The following SLC25A26 variants were observed in gnomAD, a reference collection of about 807,000 sequenced individuals.
SLC25A26 encodes the protein mitochondrial S-adenosylmethionine carrier protein.
SLC25A26 carries 36 observed loss-of-function variants against 37.8 expected under a neutral mutation model. The ratio of observed to expected loss-of-function variants is 0.95; its 90% CI spans 0.73 to 1.26. The LOEUF is 1.26. Among genes scored for constraint, SLC25A26 ranks in the 50% most tolerant of loss-of-function variants. The pLI, the probability that SLC25A26 is intolerant of heterozygous loss-of-function variation, is 0.00. For synonymous variants in SLC25A26, 129 were observed against 122.5 expected, an observed-to-expected ratio of 1.05 and a Z score of -0.35; for missense variants, 390 against 331.1, an observed-to-expected ratio of 1.18 and a Z score of -1.38.
chr3:66,364,564 G>A (rs1278598198), intron 7 of SLC25A26, among the ~76,000 whole-genome samples: 1 of 152,140 alleles, frequency 6.6e-6, no homozygotes, highest in East Asian at 1.9e-4. Context: ...CTGAGTGCCA[G>A]TTTCCTTACC....
intron 5 of SLC25A26, among the ~76,000 whole-genome samples, chr3:66,319,429 C>T (rs373767176): frequency 1.3e-5 from 2 of 151,972 alleles, no homozygotes; most frequent in Non-Finnish European, 1.5e-5. Context: ...AAAAACTTCG[C>T]GCGCTTTTAT....
chr3:66,246,458 C>A (rs568244698), intron 3 of SLC25A26, among the ~76,000 whole-genome samples: 1 of 152,080 alleles, frequency 6.6e-6, no homozygotes, highest in African/African-American at 2.4e-5. Flanking sequence ...TGTAGAAAGT[C>A]GTTTATATTC....
intron 2 of SLC25A26, among the ~76,000 whole-genome samples, chr3:66,239,011 T>C (rs1304765603): frequency 1.3e-5 from 2 of 152,238 alleles, no homozygotes; most frequent in African/African-American, 4.8e-5. Flanking sequence ...TTAGTTTCAA[T>C]GCCCATATTG....
At chr3:66,139,494 T>G (rs1277219356) in intron 1 of SLC25A26, among the ~76,000 whole-genome samples, 1 of 152,234 alleles carries the variant, frequency 6.6e-6, no homozygotes, top group Non-Finnish European at 1.5e-5. Context: ...GGAACAAGTT[T>G]CTTTTAATAG....
chr3:66,355,218 A>G (rs972337309), intron 6 of SLC25A26, among the ~76,000 whole-genome samples: 1 of 152,100 alleles, frequency 6.6e-6, no homozygotes, highest in African/African-American at 2.4e-5. Flanking sequence ...CTTTGCCTGT[A>G]ATTACCAGCA....
chr3:66,262,238 A>T, intron 4 of SLC25A26, 83 bp downstream of exon 4: 1 of 661,900 alleles, frequency 1.5e-6, no homozygotes, highest in Non-Finnish European at 2.4e-6. Context: ...TCATCCTAAG[A>T]GCCTTAGAGA....
chr3:66,350,943 A>G (rs889853102), intron 6 of SLC25A26, among the ~76,000 whole-genome samples: 2 of 152,066 alleles, frequency 1.3e-5, no homozygotes, highest in African/African-American at 4.8e-5. Flanking sequence ...CCCTTACCAC[A>G]GATTTGTCTG....
At chr3:66,222,819 C>T (rs1336397016) in intron 1 of SLC25A26, among the ~76,000 whole-genome samples, 1 of 152,180 alleles carries the variant, frequency 6.6e-6, no homozygotes, top group African/African-American at 2.4e-5. Flanking sequence ...TGCTAAAACA[C>T]AGGTGAGTGC....
chr3:66,241,851 A>G (rs2072600476), intron 2 of SLC25A26, among the ~76,000 whole-genome samples: 1 of 151,966 alleles, frequency 6.6e-6, no homozygotes, highest in Non-Finnish European at 1.5e-5. Flanking sequence ...AAAGAGGTGA[A>G]GAGAAGACCA....
intron 1 of SLC25A26, among the ~76,000 whole-genome samples, chr3:66,194,864 G>T (rs2071017288): frequency 6.6e-6 from 1 of 152,210 alleles, no homozygotes; most frequent in South Asian, 2.1e-4. Context: ...GCCTCCCAAA[G>T]TGCTGGGATT....
intron 1 of SLC25A26, among the ~76,000 whole-genome samples, chr3:66,138,004 T>G (rs1244996590): frequency 6.6e-6 from 1 of 151,968 alleles, no homozygotes; most frequent in African/African-American, 2.4e-5. Context: ...CAGCTAATTT[T>G]TGTATTTTTA....
intron 2 of SLC25A26, among the ~76,000 whole-genome samples, chr3:66,237,375 A>C (rs563993460): frequency 1.3e-5 from 2 of 152,350 alleles, no homozygotes; most frequent in East Asian, 3.9e-4. Context: ...TCATCCTAGA[A>C]GTTTAATTGG....
chr3:66,295,664 G>A (rs1211747365), intron 5 of SLC25A26, among the ~76,000 whole-genome samples: 1 of 151,798 alleles, frequency 6.6e-6, no homozygotes, highest in Non-Finnish European at 1.5e-5. Context: ...GCCTCCCGAA[G>A]ATTTTTTGTA....
chr3:66,217,229 A>T (rs1158405180), upstream of SLC25A26, among the ~76,000 whole-genome samples: 1 of 152,238 alleles, frequency 6.6e-6, no homozygotes, highest in Admixed American at 6.5e-5. Context: ...AATTAAAGGT[A>T]TAAGTCTAGG....
intron 1 of SLC25A26, among the ~76,000 whole-genome samples, chr3:66,144,604 T>G (rs1033859240): frequency 6.6e-6 from 1 of 152,148 alleles, no homozygotes. Flanking sequence ...AAGCATACCA[T>G]AATGCCAAAG....
chr3:66,163,154 A>G (rs954407436), intron 1 of SLC25A26, among the ~76,000 whole-genome samples: 2 of 152,208 alleles, frequency 1.3e-5, no homozygotes, highest in Non-Finnish European at 2.9e-5. Flanking sequence ...GCTATTTGAG[A>G]GGCATTTACT....
At chr3:66,173,192 G>A (rs2070525425) in intron 1 of SLC25A26, among the ~76,000 whole-genome samples, 1 of 152,204 alleles carries the variant, frequency 6.6e-6, no homozygotes, top group Non-Finnish European at 1.5e-5. Flanking sequence ...ATTGTCTGTG[G>A]TTGTCCTGAC....
chr3:66,136,854 A>T (rs2069953955), intron 1 of SLC25A26, among the ~76,000 whole-genome samples: 1 of 152,232 alleles, frequency 6.6e-6, no homozygotes, highest in African/African-American at 2.4e-5. Flanking sequence ...GTGAGGTGCT[A>T]TGTCCCTCTC....
chr3:66,139,543 A>T lies in SLC25A26; in HGVS notation c.-354+5559A>T, dbSNP rs116704241. Among the ~76,000 whole-genome samples the T allele has an allele frequency of 4.9e-3, 754 of 152,344 alleles. 5 individuals are homozygous for T. The highest frequency in any genetic ancestry group is 0.017 in the African/African-American group (692 of 41,592). ...AGCACACATTTCTTTCGCGGTCATT[A>T]GAGCTCCTAGCCTACAAAACAGTGA... On this transcript the variant is annotated intron_variant, in intron 1 of 10. Coordinates refer to the SLC25A26 transcript ENST00000676754.
Sources: allele counts gnomAD v4.1 joint callset (sites outside exome capture counted in the v4.1 genomes callset), GRCh38; gene constraint gnomAD v4.1.1; transcripts MANE v1.5; gene names NCBI Gene and HGNC (gene_info 2026-07-23, HGNC 2026-07-21).